IFT88: variants seen among roughly 807,000 people sequenced by gnomAD.
IFT88 encodes the protein intraflagellar transport protein 88 homolog.
IFT88 carries 74 observed loss-of-function variants against 119.5 expected under a neutral mutation model. The observed-to-expected ratio is 0.62, with a 90% CI of 0.51 to 0.75. The LOEUF (loss-of-function observed/expected upper bound fraction) is 0.75. IFT88 is among the 30% of genes least tolerant of loss of function. IFT88 has a pLI of 0.00. For synonymous variants in IFT88, 279 were observed against 316.7 expected (o/e 0.88, Z 1.26); for missense variants, 961 against 977.7 (o/e 0.98, Z 0.23).
At chr13:20,586,761 T>C (rs988634398) in intron 3 of IFT88, among the ~76,000 whole-genome samples, 1 of 152,218 alleles carries the variant, frequency 6.6e-6, no homozygotes, top group African/African-American at 2.4e-5. Context: ...GCCAATCTTA[T>C]CAAGCATGAG....
At position 20,643,522 on chromosome 13, in the gene IFT88, A is replaced by G. The variant is rs750449166; in HGVS notation, c.1750A>G (p.Thr584Ala). ...AATGCAGGTGGTCAGTGTTATTCCA[A>G]CCGATCCTCAAGTTTTATCTAAGCT... is the stretch of plus-strand genomic sequence containing the variant. ...WLMQVVSVIP[T>A]DPQVLSKLGE... The change falls in exon 19 of 26, where the codon ACC (threonine) becomes GCC (alanine). Residue 584 changes from threonine (T) to alanine (A), a missense_variant. Thr to Ala is a moderately conservative substitution (Grantham distance 58, BLOSUM62 0). Transcript: ENST00000351808. The G allele has an allele frequency of 1.9e-6, 3 of 1,612,452 alleles. No individual in the cohort carries two copies. The highest frequency in any genetic ancestry group is 1.7e-5 in the Admixed American group (1 of 59,948).
At chr13:20,646,128 G>A (rs766542044) in intron 20 of IFT88, among the ~76,000 whole-genome samples, 2 of 151,994 alleles carry the variant, frequency 1.3e-5, no homozygotes, top group Non-Finnish European at 2.9e-5. Context: ...TTAACAGTCA[G>A]TCCCTTACCT....
At chr13:20,649,501 TC>T (rs1804041792) in intron 20 of IFT88, among the ~76,000 whole-genome samples, 1 of 151,896 alleles carries the variant, frequency 6.6e-6, no homozygotes. Context: ...TGCAAAAGCA[TC>T]CCTAAGAGGG....
chr13:20,567,837 C>T, intron 1 of IFT88: 1 of 1,127,384 alleles, frequency 8.9e-7, no homozygotes, highest in Non-Finnish European at 1.2e-6. Context: ...TTTTACTAGT[C>T]CGATTTTCTG....
intron 4 of IFT88, 23 bp downstream of exon 4, chr13:20,589,890 T>C: frequency 6.9e-7 from 1 of 1,452,184 alleles, no homozygotes; most frequent in Non-Finnish European, 9.6e-7. Context: ...AAGCTGAAAA[T>C]ATTAAGATGC....
intron 20 of IFT88, among the ~76,000 whole-genome samples, chr13:20,652,491 T>C (rs75195762): frequency 0.043 from 6,522 of 151,866 alleles, 183 homozygotes; most frequent in Middle Eastern, 0.075. Context: ...AAAACTAGCC[T>C]GCCATGGCAG....
At chr13:20,656,178 T>C (rs1474656067) in intron 21 of IFT88, among the ~76,000 whole-genome samples, 187 bp from the exon 22 acceptor site, 1 of 151,840 alleles carries the variant, frequency 6.6e-6, no homozygotes, top group East Asian at 1.9e-4. Context: ...TACTTCTGCT[T>C]TCAGCCTTAT....
intron 9 of IFT88, 100 bp from the exon 10 acceptor site, chr13:20,598,551 T>A: frequency 1.7e-6 from 1 of 605,784 alleles, no homozygotes; most frequent in Non-Finnish European, 2.9e-6. Flanking sequence ...TTGATATAAG[T>A]AGCTAACTTT....
At chr13:20,640,585 A>C (rs1322073039) in intron 17 of IFT88, among the ~76,000 whole-genome samples, 11 of 150,570 alleles carry the variant, frequency 7.3e-5, no homozygotes, top group African/African-American at 2.7e-4. Context: ...TAAATAAATA[A>C]ATAAATAAAT....
At chr13:20,651,768 G>A (rs1250309558) in intron 20 of IFT88, among the ~76,000 whole-genome samples, 1 of 151,638 alleles carries the variant, frequency 6.6e-6, no homozygotes, top group African/African-American at 2.4e-5. Flanking sequence ...TGTTTGTATA[G>A]GAAAAAAAAT....
At chr13:20,621,706 G>A (rs1440504279) in intron 14 of IFT88, among the ~76,000 whole-genome samples, 1 of 151,902 alleles carries the variant, frequency 6.6e-6, no homozygotes, top group Non-Finnish European at 1.5e-5. Context: ...ATCCCAGTAT[G>A]GTACATTTGT....
At chr13:20,593,232 G>C (rs1392798727) in intron 7 of IFT88, among the ~76,000 whole-genome samples, 2 of 152,154 alleles carry the variant, frequency 1.3e-5, no homozygotes, top group African/African-American at 4.8e-5. Context: ...CAAGTACCTT[G>C]ATGTATACAT....
intron 13 of IFT88, chr13:20,607,717 C>T (rs980395429): frequency 1.3e-5 from 10 of 765,736 alleles, no homozygotes; most frequent in African/African-American, 1.2e-4. Context: ...CTGGATGCTC[C>T]TGCTTCTGGC....
intron 14 of IFT88, among the ~76,000 whole-genome samples, chr13:20,621,248 G>T (rs983118563): frequency 6.6e-6 from 1 of 152,030 alleles, no homozygotes; most frequent in African/African-American, 2.4e-5. Context: ...TGTATTTTTA[G>T]TAGAGACAGG....
chr13:20,583,727 C>T (rs1454794045), intron 3 of IFT88, among the ~76,000 whole-genome samples: 1 of 152,120 alleles, frequency 6.6e-6, no homozygotes, highest in African/African-American at 2.4e-5. Flanking sequence ...AGCTTTTCCC[C>T]TATGTTTTCT....
intron 20 of IFT88, among the ~76,000 whole-genome samples, chr13:20,651,662 T>C (rs1330287657): frequency 2.0e-5 from 3 of 151,814 alleles, no homozygotes; most frequent in African/African-American, 7.2e-5. Flanking sequence ...AGACCGCATC[T>C]ACATAATTCT....
chr13:20,639,786 CTT>C (rs34190452), intron 17 of IFT88, among the ~76,000 whole-genome samples: 2,172 of 109,228 alleles, frequency 0.02, 12 homozygotes, highest in African/African-American at 0.042. Flanking sequence ...TAAAATTTGT[CTT>C]TTTTTTTTTT....
rs116219169 is a variant in IFT88, at chr13:20,624,231, T to C, written c.1200-1519T>C. Among the ~76,000 whole-genome samples the C allele has an allele frequency of 3.1e-3, 468 of 152,288 alleles. 1 individual carries two copies. Among genetic ancestry groups the C allele is most frequent in the African/African-American group, 0.011 (448 of 41,554 alleles). On this transcript the variant is annotated intron_variant, in intron 14 of 25. Coordinates refer to ENST00000351808, the MANE Select transcript of IFT88 (RefSeq NM_006531.5). ...TGTTTTGTTCAGACCTCTTTTTTTT[T>C]CTTACATTTACCAGTTTGTTATAAT...
chr13:20,580,025 A>C (rs997125527), intron 2 of IFT88, among the ~76,000 whole-genome samples: 6 of 152,188 alleles, frequency 3.9e-5, no homozygotes, highest in Non-Finnish European at 7.4e-5. Context: ...TACTGTCAAC[A>C]TTTTAAACAT....
Sources: gnomAD v4.1 joint callset for allele counts (sites outside exome capture counted in the v4.1 genomes callset) on GRCh38, gnomAD v4.1.1 for gene constraint, MANE v1.5 for transcripts, NCBI Gene and HGNC (gene_info 2026-07-23, HGNC 2026-07-21) for gene names.